GNAI1: variants seen among roughly 807,000 people sequenced by gnomAD.
GNAI1 encodes G protein subunit alpha i1.
A neutral mutation model predicts 38.9 loss-of-function variants in GNAI1; 11 were observed. That is an observed-to-expected ratio of 0.28 (90% CI 0.18 to 0.47). The LOEUF is 0.47. Ranked by LOEUF, GNAI1 falls within the 20% of genes least tolerant of loss-of-function variation. The pLI, the probability that GNAI1 is intolerant of heterozygous loss-of-function variation, is 0.99. For missense variants in GNAI1, 317 were observed against 436.9 expected, an observed-to-expected ratio of 0.73 and a Z score of 2.45; for synonymous variants, 166 against 145.1, an observed-to-expected ratio of 1.14 and a Z score of -1.04.
chr7:80,155,613 G>A (rs1052088997), intron 1 of GNAI1, among the ~76,000 whole-genome samples: 1 of 152,138 alleles, frequency 6.6e-6, no homozygotes, highest in African/African-American at 2.4e-5. Flanking sequence ...CAAAGTCAGT[G>A]AGTAGGCTGG....
chr7:80,138,436 AT>A (rs1355680810), intron 1 of GNAI1, among the ~76,000 whole-genome samples: 10 of 152,216 alleles, frequency 6.6e-5, no homozygotes, highest in African/African-American at 2.4e-4. Flanking sequence ...TTTAGTTTTT[AT>A]GCTTATTAGG....
At chr7:80,156,576 A>C (rs907581378) in intron 1 of GNAI1, among the ~76,000 whole-genome samples, 3 of 152,106 alleles carry the variant, frequency 2.0e-5, no homozygotes, top group African/African-American at 7.2e-5. Flanking sequence ...CTGCAGGTAC[A>C]TGCCACCATT....
At chr7:80,199,898 G>A (rs73149596) in intron 4 of GNAI1, among the ~76,000 whole-genome samples, 13,892 of 152,162 alleles carry the variant, frequency 0.091, 1,045 homozygotes, top group East Asian at 0.4. Context: ...TGTCAGTTGT[G>A]TGTGTGCCCT....
intron 1 of GNAI1, among the ~76,000 whole-genome samples, chr7:80,138,711 A>T (rs1787470385): frequency 6.6e-6 from 1 of 152,132 alleles, no homozygotes; most frequent in South Asian, 2.1e-4. Context: ...AATGATCATG[A>T]ATTTATTTTC....
chr7:80,164,748 G>A (rs1477859034), intron 1 of GNAI1, among the ~76,000 whole-genome samples: 1 of 152,064 alleles, frequency 6.6e-6, no homozygotes, highest in East Asian at 1.9e-4. Flanking sequence ...ATCCATCTCT[G>A]CTCTTCTCTA....
Position 80,155,965 on chromosome 7 carries a change from T to G in GNAI1, c.118+20687T>G, listed in dbSNP as rs537043914. Reference sequence around the variant, plus strand: ...TACTCAGGAGACTGAGGCAGAAGAATCACTTGAACCCAGGTTGCAGTGAGC... The same window carrying G: ...TACTCAGGAGACTGAGGCAGAAGAAGCACTTGAACCCAGGTTGCAGTGAGC... On this transcript the variant is annotated intron_variant, in intron 1 of 7. Transcript: ENST00000649796. Among the ~76,000 whole-genome samples the G allele has an allele frequency of 6.3e-5, 9 of 142,726 alleles. No individual in the cohort carries two copies. The East Asian group carries it at 1.9e-3, about 29-fold the overall frequency. The allele number at this position is 142,726 out of a possible 152,430, so 93.6% of individuals were successfully genotyped here.
At chr7:80,196,096 T>C (rs1283866163) in intron 3 of GNAI1, among the ~76,000 whole-genome samples, 1 of 151,970 alleles carries the variant, frequency 6.6e-6, no homozygotes, top group Non-Finnish European at 1.5e-5. Flanking sequence ...AGATATCCCC[T>C]GACCACCGCT....
At chr7:80,163,061 G>C (rs548337150) in intron 1 of GNAI1, among the ~76,000 whole-genome samples, 52 of 152,176 alleles carry the variant, frequency 3.4e-4, no homozygotes, top group African/African-American at 1.2e-3. Context: ...GACTTGCTGA[G>C]ACACCCAAGG....
intron 1 of GNAI1, among the ~76,000 whole-genome samples, chr7:80,160,483 G>A (rs1787905376): frequency 6.6e-6 from 1 of 152,048 alleles, no homozygotes; most frequent in African/African-American, 2.4e-5. Flanking sequence ...AATTAATTAA[G>A]CATTCAGGAG....
At chr7:80,172,802 G>A (rs1348147214) in intron 1 of GNAI1, among the ~76,000 whole-genome samples, 1 of 152,072 alleles carries the variant, frequency 6.6e-6, no homozygotes, top group East Asian at 1.9e-4. Context: ...TTTTCACGAG[G>A]AAAACCAAAA....
intron 1 of GNAI1, among the ~76,000 whole-genome samples, chr7:80,151,700 T>C (rs891237483): frequency 1.3e-5 from 2 of 152,248 alleles, no homozygotes; most frequent in African/African-American, 2.4e-5. Context: ...AAAATACATC[T>C]GCCTCTAACT....
At chr7:80,146,749 C>T (rs1787630293) in intron 1 of GNAI1, among the ~76,000 whole-genome samples, 1 of 152,146 alleles carries the variant, frequency 6.6e-6, no homozygotes, top group African/African-American at 2.4e-5. Flanking sequence ...TCCATTTATC[C>T]ATTTCATAAG....
chr7:80,138,658 T>C, intron 1 of GNAI1, among the ~76,000 whole-genome samples: 1 of 152,324 alleles, frequency 6.6e-6, no homozygotes, highest in South Asian at 2.1e-4. Context: ...TGAAATATTA[T>C]TTTATTATGT....
intron 1 of GNAI1, among the ~76,000 whole-genome samples, chr7:80,140,642 G>T (rs541437691): frequency 2.6e-5 from 4 of 152,294 alleles, no homozygotes; most frequent in African/African-American, 9.6e-5. Context: ...TACGAACTAA[G>T]GTCAGCTCTA....
In GNAI1 at chr7:80,219,950, A is replaced by G. The variant is rs1015543053; in HGVS notation, c.*2457A>G. Among the ~76,000 whole-genome samples the G allele has an allele frequency of 1.7e-4, 26 of 151,994 alleles. No homozygotes were observed. Among genetic ancestry groups the G allele is most frequent in the African/African-American group, 6.0e-4 (25 of 41,370 alleles). On this transcript the variant is annotated 3_prime_UTR_variant, in exon 8 of 8. Transcript: ENST00000649796. ...TGTTTTCCTTTCTATTCCTACTACT[A>G]CCTATTCAAGTCTTTGCTAAACTTC...
At chr7:80,212,486 T>TA (rs1788891385) in intron 6 of GNAI1, among the ~76,000 whole-genome samples, 1 of 152,180 alleles carries the variant, frequency 6.6e-6, no homozygotes, top group African/African-American at 2.4e-5. Context: ...GAGCATGACA[T>TA]ATAGTGGGCA....
chr7:80,155,184 A>G (rs1787796543), intron 1 of GNAI1, among the ~76,000 whole-genome samples: 2 of 152,188 alleles, frequency 1.3e-5, no homozygotes, highest in Non-Finnish European at 2.9e-5. Context: ...GGTAAAAGAA[A>G]AAGTTTAATA....
At chr7:80,204,135 T>A (rs771229468) in intron 5 of GNAI1, among the ~76,000 whole-genome samples, 4 of 150,368 alleles carry the variant, frequency 2.7e-5, no homozygotes, top group Non-Finnish European at 4.5e-5. Context: ...TGCTCTAATA[T>A]ACTGTGTTTT....
chr7:80,205,821 T>C (rs1189147928), intron 5 of GNAI1, among the ~76,000 whole-genome samples: 1 of 152,154 alleles, frequency 6.6e-6, no homozygotes, highest in Admixed American at 6.6e-5. Flanking sequence ...CATGTCGTTA[T>C]TGAAATTATT....
Sources: allele counts gnomAD v4.1 joint callset (sites outside exome capture counted in the v4.1 genomes callset), GRCh38; gene constraint gnomAD v4.1.1; transcripts MANE v1.5; gene names NCBI Gene and HGNC (gene_info 2026-07-23, HGNC 2026-07-21).